The following ADARB2 variants were observed in gnomAD, a reference collection of about 807,000 sequenced individuals.
The protein encoded by ADARB2 is inactive double-stranded RNA-specific editase B2.
A neutral mutation model predicts 62.2 loss-of-function variants in ADARB2; 25 were observed. The observed-to-expected ratio is 0.40, with a 90% confidence interval of 0.29 to 0.56. The LOEUF (loss-of-function observed/expected upper bound fraction) is 0.56. Among genes scored for constraint, ADARB2 ranks in the 20% least tolerant of loss-of-function variants. The pLI is 0.43. For synonymous variants in ADARB2, 572 were observed against 500.8 expected (o/e 1.14, Z -1.90); for missense variants, 1,071 against 1,077.4 (o/e 0.99, Z 0.08).
intron 1 of ADARB2, among the ~76,000 whole-genome samples, chr10:1,661,545 C>T (rs1367265682): frequency 1.3e-5 from 2 of 152,152 alleles, no homozygotes; most frequent in African/African-American, 4.8e-5. Context: ...TGGGGGAGGG[C>T]CCCGGCAAGC....
At chr10:1,291,081 G>C (rs1018633883) in intron 3 of ADARB2, 9 of 152,234 alleles carry the variant, frequency 5.9e-5, no homozygotes, top group African/African-American at 1.9e-4. Flanking sequence ...TCTAGAGAAA[G>C]AGATTCCCTT....
chr10:1,351,635 T>C (rs572312651), intron 3 of ADARB2, among the ~76,000 whole-genome samples: 55 of 152,124 alleles, frequency 3.6e-4, no homozygotes, highest in African/African-American at 1.2e-3. Flanking sequence ...AAGTATAAGA[T>C]ACCTCTACTC....
intron 1 of ADARB2, chr10:1,674,945 G>T (rs1834442428): frequency 2.0e-6 from 2 of 982,212 alleles, no homozygotes; most frequent in Non-Finnish European, 1.2e-6. Flanking sequence ...GGAGGTTTGG[G>T]TTTGGGGGTA....
At chr10:1,685,956 G>A (rs983828137) in intron 1 of ADARB2, among the ~76,000 whole-genome samples, 1 of 152,342 alleles carries the variant, frequency 6.6e-6, no homozygotes, top group South Asian at 2.1e-4. Flanking sequence ...GACTCTGCCT[G>A]GCTTGGACAC....
intron 1 of ADARB2, among the ~76,000 whole-genome samples, chr10:1,576,120 AGGGGGCCCAGGGTCACAAGAGGGGGG>A (rs1833015125): frequency 1.4e-4 from 4 of 28,840 alleles, no homozygotes; most frequent in Admixed American, 4.4e-4. Flanking sequence ...GAGTCACAGG[AGGGGGCCCAGGGTCACAAGAGGGGGG>A]TCCACGGTCA....
rs542842491 is a variant in ADARB2 at position 1,363,190 on chromosome 10, G to T, written c.915C>A (p.Ser305Arg). ...CGTCCACGCTCACGGCCATCACGAA[G>T]CTCCGCGCGCGCCGCTCGGCCGGTT... ...LAEPAERRARSFVMAVSVDGR... is the reference protein window; with the variant it reads ...LAEPAERRARRFVMAVSVDGR... Residue 305 changes from serine to arginine, a missense_variant, in exon 3 of 10, where the codon AGC (serine) becomes AGA (arginine). Coordinates refer to ENST00000381312, the MANE Select transcript of ADARB2 (RefSeq NM_018702.4). The T allele has an allele frequency of 2.0e-6, 3 of 1,511,762 alleles. No individual in the cohort carries two copies. The highest frequency in any genetic ancestry group is 2.8e-5 in the East Asian group (1 of 36,020). 93.6% of individuals were successfully genotyped at this position (1,511,762 alleles called of 1,614,324 possible).
intron 1 of ADARB2, among the ~76,000 whole-genome samples, chr10:1,722,374 A>G (rs1034045373): frequency 2.0e-5 from 3 of 152,174 alleles, no homozygotes; most frequent in Non-Finnish European, 4.4e-5. Context: ...ACTTTGTTTT[A>G]CCAGCACTGA....
At chr10:1,350,638 CA>C (rs1479958436) in intron 3 of ADARB2, among the ~76,000 whole-genome samples, 1 of 152,174 alleles carries the variant, frequency 6.6e-6, no homozygotes, top group East Asian at 1.9e-4. Context: ...GGCTCTTTTT[CA>C]TCAAATATAA....
chr10:1,427,531 C>T (rs1024969334), intron 1 of ADARB2, among the ~76,000 whole-genome samples: 1 of 152,194 alleles, frequency 6.6e-6, no homozygotes, highest in Non-Finnish European at 1.5e-5. Flanking sequence ...GAGATGTTAC[C>T]ATATACCTGG....
intron 4 of ADARB2, among the ~76,000 whole-genome samples, chr10:1,267,654 C>T (rs1474941397): frequency 2.0e-5 from 3 of 152,118 alleles, no homozygotes; most frequent in African/African-American, 7.2e-5. Flanking sequence ...GAAAAAAACA[C>T]GCACAATATT....
At chr10:1,511,577 G>A (rs2676774) in intron 1 of ADARB2, among the ~76,000 whole-genome samples, 26,018 of 151,928 alleles carry the variant, frequency 0.17, 3,003 homozygotes, top group East Asian at 0.32. Flanking sequence ...GCCGAGGAAG[G>A]ATTGGCTGAG....
At chr10:1,234,303 T>C (rs1049984879) in intron 5 of ADARB2, among the ~76,000 whole-genome samples, 2 of 151,996 alleles carry the variant, frequency 1.3e-5, no homozygotes, top group African/African-American at 4.8e-5. Flanking sequence ...AGTTTCTCCT[T>C]CTTCACACCC....
chr10:1,458,516 TGCCCCTCTTA>T (rs1368696593), intron 1 of ADARB2, among the ~76,000 whole-genome samples: 1 of 152,214 alleles, frequency 6.6e-6, no homozygotes, highest in African/African-American at 2.4e-5. Context: ...GAACTGACAA[TGCCCCTCTTA>T]GCCCTATCCT....
At chr10:1,624,213 G>A (rs1833740330) in intron 1 of ADARB2, among the ~76,000 whole-genome samples, 1 of 152,106 alleles carries the variant, frequency 6.6e-6, no homozygotes, top group East Asian at 1.9e-4. Flanking sequence ...CTGCCTGGGT[G>A]ACAGAGTGAA....
intron 8 of ADARB2, among the ~76,000 whole-genome samples, chr10:1,198,346 A>T (rs1836938152): frequency 6.6e-6 from 1 of 152,172 alleles, no homozygotes. Flanking sequence ...AGCAAACTTC[A>T]TTTGCTTATT....
At chr10:1,696,258 GTGTA>G (rs762112150) in intron 1 of ADARB2, among the ~76,000 whole-genome samples, 4 of 150,298 alleles carry the variant, frequency 2.7e-5, no homozygotes, top group Non-Finnish European at 5.9e-5. Context: ...CATGTGCATT[GTGTA>G]TGTGCCTGTT....
intron 1 of ADARB2, among the ~76,000 whole-genome samples, chr10:1,563,965 ATTT>A (rs1311860794): frequency 6.7e-6 from 1 of 149,628 alleles, no homozygotes; most frequent in Non-Finnish European, 1.5e-5. Flanking sequence ...TGAACTCATC[ATTT>A]TTTATGGCTG....
intron 3 of ADARB2, chr10:1,361,475 C>A (rs558410948): frequency 1.3e-5 from 2 of 152,188 alleles, no homozygotes; most frequent in African/African-American, 4.8e-5. Flanking sequence ...AGATTGTGGT[C>A]TAAATGCCTC....
At chr10:1,220,340 ATGG>A (rs923862214) in intron 6 of ADARB2, among the ~76,000 whole-genome samples, 3 of 106,310 alleles carry the variant, frequency 2.8e-5, no homozygotes, top group Admixed American at 1.0e-4. Context: ...GTGATGGATG[ATGG>A]TGATTGTGGT....
Sources: allele counts gnomAD v4.1 joint callset (sites outside exome capture counted in the v4.1 genomes callset), GRCh38; gene constraint gnomAD v4.1.1; transcripts MANE v1.5; gene names NCBI Gene and HGNC (gene_info 2026-07-23, HGNC 2026-07-21).